Variants in CPQ observed in about 807,000 individuals in gnomAD.
CPQ encodes the protein carboxypeptidase Q, also known as Ser-Met dipeptidase.
In CPQ, 37 loss-of-function variants were observed where a neutral mutation model predicts 45.7. That is an observed-to-expected ratio of 0.81 (90% CI 0.62 to 1.07). CPQ has a LOEUF of 1.07. CPQ is among the 50% of genes least tolerant of loss of function. The pLI, the probability that CPQ is intolerant of heterozygous loss-of-function variation, is 0.00. For missense variants in CPQ, 537 were observed against 572.9 expected (o/e 0.94, Z 0.64); for synonymous variants, 186 against 205.8 (o/e 0.90, Z 0.82).
intron 2 of CPQ, among the ~76,000 whole-genome samples, chr8:96,808,674 G>A (rs1180725671): frequency 6.6e-6 from 1 of 152,120 alleles, no homozygotes; most frequent in Non-Finnish European, 1.5e-5. Context: ...CGTGGTGGCC[G>A]TAAGATGTGA....
At position 96,967,012 on chromosome 8, in the gene CPQ, A is replaced by G. The variant is rs541868589; in HGVS notation, c.961+966A>G. Among the ~76,000 whole-genome samples the G allele has an allele frequency of 2.6e-5, 4 of 152,336 alleles. No individual in the cohort carries two copies. In the South Asian group the frequency reaches 8.3e-4, roughly 32 times the overall value. ...TTTAGAATTGGGGAAGGTTTGAGAGAGAAGTTATCCAGCAAATAAAACTGA... is the reference window on the plus strand; with the variant it reads ...TTTAGAATTGGGGAAGGTTTGAGAGGGAAGTTATCCAGCAAATAAAACTGA... On this transcript the variant is annotated intron_variant, in intron 5 of 7. Coordinates refer to ENST00000220763, the MANE Select transcript of CPQ (RefSeq NM_016134.4).
chr8:96,716,493 C>T (rs1258527382), intron 1 of CPQ, among the ~76,000 whole-genome samples: 1 of 152,170 alleles, frequency 6.6e-6, no homozygotes, highest in Non-Finnish European at 1.5e-5. Flanking sequence ...CCACCCTTTC[C>T]TTGGAGTTCC....
At chr8:96,855,658 A>G (rs1420740618) in intron 3 of CPQ, among the ~76,000 whole-genome samples, 1 of 152,250 alleles carries the variant, frequency 6.6e-6, no homozygotes, top group Non-Finnish European at 1.5e-5. Flanking sequence ...TGGGAATCCA[A>G]TAGTGACTGT....
chr8:97,095,534 C>A (rs1811197304), intron 7 of CPQ, among the ~76,000 whole-genome samples: 1 of 152,126 alleles, frequency 6.6e-6, no homozygotes. Flanking sequence ...TCTTTCAAGG[C>A]CAACTCTTGA....
chr8:96,906,778 T>G (rs1812583360), intron 4 of CPQ, among the ~76,000 whole-genome samples: 4 of 152,144 alleles, frequency 2.6e-5, no homozygotes, highest in Admixed American at 2.6e-4. Context: ...TCTGCCCTCA[T>G]GACCTAATCA....
At chr8:97,106,003 A>G (rs946960656) in intron 7 of CPQ, among the ~76,000 whole-genome samples, 2 of 152,178 alleles carry the variant, frequency 1.3e-5, no homozygotes, top group East Asian at 3.9e-4. Context: ...GGAGGTCCCG[A>G]TACTTTACAG....
intron 6 of CPQ, among the ~76,000 whole-genome samples, chr8:97,035,300 T>G (rs1332728761): frequency 6.6e-6 from 1 of 152,210 alleles, no homozygotes; most frequent in Admixed American, 6.5e-5. Context: ...GTGAGTTGTT[T>G]CCAGTTTTAG....
intron 1 of CPQ, among the ~76,000 whole-genome samples, chr8:96,669,561 A>G (rs1003293033): frequency 2.6e-5 from 4 of 151,248 alleles, no homozygotes; most frequent in African/African-American, 9.9e-5. Context: ...TGTCACAGAA[A>G]GACAGGAGGA....
rs562169876 is a variant in CPQ, at chr8:96,878,702, G to A, written c.642-1096G>A. Among the ~76,000 whole-genome samples the A allele has an allele frequency of 2.3e-3, 346 of 152,328 alleles. 2 individuals are homozygous for A. The highest frequency in any genetic ancestry group is 7.8e-3 in the African/African-American group (323 of 41,572). On this transcript the variant is annotated intron_variant, in intron 3 of 7. Coordinates refer to ENST00000220763, the MANE Select transcript of CPQ (RefSeq NM_016134.4). ...GAGATAAGAATGCATCATTGTGTTTGTGCATGTGGAGACTGGAGCTGCTTC... is the reference window on the plus strand; with the variant it reads ...GAGATAAGAATGCATCATTGTGTTTATGCATGTGGAGACTGGAGCTGCTTC...
chr8:97,130,658 C>T (rs1484363363), intron 7 of CPQ, among the ~76,000 whole-genome samples: 1 of 152,162 alleles, frequency 6.6e-6, no homozygotes, highest in Non-Finnish European at 1.5e-5. Context: ...AGATTTCCTA[C>T]AAATGAATTT....
intron 1 of CPQ, among the ~76,000 whole-genome samples, chr8:96,647,639 A>AG (rs1161485557): frequency 6.6e-6 from 1 of 152,254 alleles, no homozygotes; most frequent in Non-Finnish European, 1.5e-5. Context: ...TGTGTGTTCA[A>AG]GCATATATAC....
chr8:96,768,683 T>C (rs1810499658), intron 1 of CPQ, among the ~76,000 whole-genome samples: 1 of 152,222 alleles, frequency 6.6e-6, no homozygotes, highest in African/African-American at 2.4e-5. Context: ...TTTTCATATA[T>C]GCCTGTTTGA....
At chr8:96,965,237 T>C (rs1813535121) in intron 4 of CPQ, among the ~76,000 whole-genome samples, 2 of 152,132 alleles carry the variant, frequency 1.3e-5, no homozygotes, top group African/African-American at 4.8e-5. Flanking sequence ...TCAACACATG[T>C]TTATTACGTT....
At chr8:97,122,217 CA>C (rs1334920865) in intron 7 of CPQ, among the ~76,000 whole-genome samples, 1 of 151,830 alleles carries the variant, frequency 6.6e-6, no homozygotes, top group African/African-American at 2.4e-5. Flanking sequence ...TGATAAGCGA[CA>C]AGAAAATCAT....
chr8:97,079,728 T>C (rs1810914181), intron 7 of CPQ, among the ~76,000 whole-genome samples: 1 of 152,096 alleles, frequency 6.6e-6, no homozygotes, highest in South Asian at 2.1e-4. Flanking sequence ...AGAGGTGGCA[T>C]TTCACCTGAT....
At chr8:96,779,063 C>CA (rs561557208) in intron 1 of CPQ, among the ~76,000 whole-genome samples, 1,165 of 56,580 alleles carry the variant, frequency 0.021, 8 homozygotes, top group African/African-American at 0.028. Context: ...ACTCCATCTC[C>CA]AAAAAAAAAA....
At chr8:96,738,141 G>A (rs1291022693) in intron 1 of CPQ, among the ~76,000 whole-genome samples, 2 of 152,072 alleles carry the variant, frequency 1.3e-5, no homozygotes, top group Non-Finnish European at 2.9e-5. Context: ...GGCCTGAAAT[G>A]TGGTTAATTT....
Position 97,066,063 on chromosome 8 carries a change from C to G in CPQ, c.1108C>G (p.Pro370Ala). The change falls in exon 7 of 8, where the codon CCC becomes GCC. Residue 370 changes from proline (P) to alanine (A), a missense_variant. Transcript: ENST00000220763. ...VMESDAGTFL[P>A]TGLQFTGSEK... Reference sequence around the variant, plus strand: ...GGAGTCTGACGCAGGAACCTTCTTACCCACTGGGCTGCAATTCACTGGCAG... The same window carrying G: ...GGAGTCTGACGCAGGAACCTTCTTAGCCACTGGGCTGCAATTCACTGGCAG... 6.2e-7 allele frequency: 1 copy of G among 1,611,652 alleles called. No individual in the cohort carries two copies. The highest frequency in any genetic ancestry group is 8.5e-7 in the Non-Finnish European group (1 of 1,179,344).
chr8:97,123,047 TAAAATAAAATAAAATAAAA>T (rs1586552227), intron 7 of CPQ, among the ~76,000 whole-genome samples: 3 of 13,914 alleles, frequency 2.2e-4, no homozygotes, highest in East Asian at 1.3e-3. Context: ...ATAAAATAAA[TAAAATAAAATAAAATAAAA>T]AAAATAAAAT....
Sources: allele counts gnomAD v4.1 joint callset (sites outside exome capture counted in the v4.1 genomes callset), GRCh38; gene constraint gnomAD v4.1.1; transcripts MANE v1.5; gene names NCBI Gene and HGNC (gene_info 2026-07-23, HGNC 2026-07-21).